The following ITGA8 variants were observed in gnomAD, a reference collection of about 807,000 sequenced individuals.
ITGA8 encodes the protein integrin alpha-8.
In ITGA8, 91 loss-of-function variants were observed where a neutral mutation model predicts 142.3. The observed-to-expected ratio is 0.64, with a 90% CI of 0.54 to 0.76. The LOEUF is 0.76. ITGA8 is among the 30% of genes least tolerant of loss of function. ITGA8 has a pLI of 0.00. For synonymous variants in ITGA8, 505 were observed against 485.2 expected, an observed-to-expected ratio of 1.04 and a Z score of -0.54; for missense variants, 1,406 against 1,327.7, an observed-to-expected ratio of 1.06 and a Z score of -0.92.
At chr10:15,532,178 C>T (rs140309973) in intron 27 of ITGA8, among the ~76,000 whole-genome samples, 4 of 151,890 alleles carry the variant, frequency 2.6e-5, no homozygotes, top group East Asian at 3.9e-4. Flanking sequence ...CCAGCACTTT[C>T]GGAGGCCAAG....
intron 23 of ITGA8, among the ~76,000 whole-genome samples, chr10:15,577,903 C>A (rs1162827077): frequency 2.6e-5 from 4 of 152,078 alleles, no homozygotes; most frequent in Middle Eastern, 3.4e-3. Context: ...TTAATGGTAA[C>A]AATAAACATG....
At chr10:15,670,950 C>A (rs1167493059) in intron 8 of ITGA8, among the ~76,000 whole-genome samples, 12 of 152,128 alleles carry the variant, frequency 7.9e-5, no homozygotes, top group African/African-American at 2.9e-4. Flanking sequence ...TCTGTCTGAC[C>A]CCCCACCGTC....
chr10:15,638,661 AG>A (rs754286954), intron 13 of ITGA8, among the ~76,000 whole-genome samples: 1 of 152,200 alleles, frequency 6.6e-6, no homozygotes, highest in African/African-American at 2.4e-5. Flanking sequence ...AATCATGCCA[AG>A]TAGTTTGACT....
intron 8 of ITGA8, among the ~76,000 whole-genome samples, chr10:15,668,212 G>T (rs1208871072): frequency 6.6e-6 from 1 of 151,996 alleles, no homozygotes; most frequent in East Asian, 1.9e-4. Flanking sequence ...TCTGTATTGG[G>T]TGCATATATA....
chr10:15,589,138 A>G (rs922347261), intron 22 of ITGA8, among the ~76,000 whole-genome samples: 1 of 152,206 alleles, frequency 6.6e-6, no homozygotes, highest in Non-Finnish European at 1.5e-5. Context: ...GGAATGATGA[A>G]TTTCCTCTCT....
At position 15,691,907 on chromosome 10, in the gene ITGA8, T is replaced by C. The variant is rs10219128; in HGVS notation, c.344-3869A>G. On this transcript the variant is annotated intron_variant, in intron 2 of 29. Transcript: ENST00000378076. ...ATTTAATTATTTCCCAATGTATAAA[T>C]AGATCAAAACATTACATTGTACACG... Among the ~76,000 whole-genome samples the C allele has an allele frequency of 4.7e-3, 717 of 152,272 alleles. 6 individuals are homozygous for C. Among genetic ancestry groups the C allele is most frequent in the African/African-American group, 0.016 (684 of 41,546 alleles).
chr10:15,600,249 A>AT (rs1400631818), intron 20 of ITGA8, among the ~76,000 whole-genome samples: 1 of 152,122 alleles, frequency 6.6e-6, no homozygotes, highest in African/African-American at 2.4e-5. Context: ...TCCTAATGCT[A>AT]TTAAAAAAAA....
chr10:15,555,218 G>A (rs923670988), intron 26 of ITGA8, among the ~76,000 whole-genome samples: 3 of 152,148 alleles, frequency 2.0e-5, no homozygotes, highest in Non-Finnish European at 4.4e-5. Flanking sequence ...CTTTTAAACG[G>A]CTTGCAATAT....
chr10:15,526,178 A>G (rs1489365045), intron 28 of ITGA8, among the ~76,000 whole-genome samples: 1 of 147,718 alleles, frequency 6.8e-6, no homozygotes, highest in African/African-American at 2.5e-5. Flanking sequence ...TCATTATAAG[A>G]TTCTTTTTTT....
chr10:15,579,584 C>T (rs973961587), intron 23 of ITGA8, among the ~76,000 whole-genome samples: 28 of 151,882 alleles, frequency 1.8e-4, no homozygotes, highest in African/African-American at 6.0e-4. Flanking sequence ...AGTTCATATA[C>T]ATTAATTGTA....
chr10:15,689,275 A>G (rs1394257915), intron 2 of ITGA8, among the ~76,000 whole-genome samples: 4 of 152,222 alleles, frequency 2.6e-5, no homozygotes, highest in African/African-American at 4.8e-5. Context: ...AAGGACCAAA[A>G]CAATAACAGA....
At chr10:15,583,050 C>A (rs2131589362) in intron 23 of ITGA8, among the ~76,000 whole-genome samples, 1 of 152,324 alleles carries the variant, frequency 6.6e-6, no homozygotes, top group African/African-American at 2.4e-5. Flanking sequence ...GGACATCCAT[C>A]CATACAATGG....
At chr10:15,679,807 T>A (rs550565018) in intron 4 of ITGA8, among the ~76,000 whole-genome samples, 1 of 152,290 alleles carries the variant, frequency 6.6e-6, no homozygotes, top group East Asian at 1.9e-4. Context: ...AACACGTTGA[T>A]TTCAAGGCTA....
At chr10:15,545,327 G>C (rs1833648244) in intron 27 of ITGA8, among the ~76,000 whole-genome samples, 2 of 152,074 alleles carry the variant, frequency 1.3e-5, no homozygotes, top group Non-Finnish European at 2.9e-5. Flanking sequence ...AATCAATCCA[G>C]ACTCATACCT....
At chr10:15,707,901 T>C (rs992499144) in intron 2 of ITGA8, among the ~76,000 whole-genome samples, 2 of 151,334 alleles carry the variant, frequency 1.3e-5, no homozygotes, top group South Asian at 2.1e-4. Context: ...TGTGGTAATT[T>C]GTCATAGTAG....
At chr10:15,630,836 A>G (rs1833672972) in intron 13 of ITGA8, among the ~76,000 whole-genome samples, 1 of 152,026 alleles carries the variant, frequency 6.6e-6, no homozygotes, top group Non-Finnish European at 1.5e-5. Context: ...TTTTTAAAAA[A>G]AGCCTGACTT....
chr10:15,562,674 G>A (rs1248255809), intron 25 of ITGA8, among the ~76,000 whole-genome samples: 1 of 152,200 alleles, frequency 6.6e-6, no homozygotes, highest in Non-Finnish European at 1.5e-5. Flanking sequence ...CGAATGTCTT[G>A]GAGGCAGGGT....
At chr10:15,631,793 C>T (rs1376006097) in intron 13 of ITGA8, among the ~76,000 whole-genome samples, 3 of 151,092 alleles carry the variant, frequency 2.0e-5, no homozygotes, top group Middle Eastern at 7.0e-3. Flanking sequence ...AGCCCCACCC[C>T]CCCCAAAAAA....
rs67683436 is a variant in ITGA8, at chr10:15,549,201, G to GTTTTTTTT, written c.2767-641_2767-634dup. Among the ~76,000 whole-genome samples the GTTTTTTTT allele has an allele frequency of 5.1e-4, 55 of 107,312 alleles. 7 individuals are homozygous for GTTTTTTTT. The highest frequency in any genetic ancestry group is 2.8e-3 in the African/African-American group (52 of 18,654). The allele number at this position is 107,312 out of a possible 152,430, so 70.4% of individuals were successfully genotyped here. On this transcript the variant is annotated intron_variant, in intron 26 of 29. Coordinates refer to ENST00000378076, the MANE Select transcript of ITGA8 (RefSeq NM_003638.3). ...TTCTTTCTTTTTTCTTTTCTTTTCT[G>GTTTTTTTT]TTTTTTTTTTTTTTTTTTTTTTTTT...
Sources: allele counts gnomAD v4.1 joint callset (sites outside exome capture counted in the v4.1 genomes callset), GRCh38; gene constraint gnomAD v4.1.1; transcripts MANE v1.5; gene names NCBI Gene and HGNC (gene_info 2026-07-23, HGNC 2026-07-21).